Variants in STXBP5L observed in about 807,000 individuals in gnomAD.
STXBP5L encodes syntaxin-binding protein 5-like.
In STXBP5L, 65 loss-of-function variants were observed where a neutral mutation model predicts 144.5. The ratio of observed to expected loss-of-function variants is 0.45; its 90% CI spans 0.37 to 0.55. STXBP5L has a LOEUF of 0.55. STXBP5L is among the 20% of genes least tolerant of loss of function. STXBP5L has a pLI of 0.00. For synonymous variants in STXBP5L, 505 were observed against 469.6 expected, an observed-to-expected ratio of 1.08 and a Z score of -0.97; for missense variants, 1,298 against 1,405.5, an observed-to-expected ratio of 0.92 and a Z score of 1.22.
At chr3:121,091,688 T>A (rs1303015888) in intron 5 of STXBP5L, among the ~76,000 whole-genome samples, 2 of 152,210 alleles carry the variant, frequency 1.3e-5, no homozygotes, top group Non-Finnish European at 2.9e-5. Flanking sequence ...CTTTGTCAGA[T>A]GAGTAGGTTG....
chr3:121,172,300 A>G (rs1222249392), intron 9 of STXBP5L, among the ~76,000 whole-genome samples: 1 of 152,242 alleles, frequency 6.6e-6, no homozygotes, highest in African/African-American at 2.4e-5. Context: ...CTAAGACACC[A>G]AAAGCAATGG....
At chr3:121,074,299 A>G (rs551981078) in intron 5 of STXBP5L, among the ~76,000 whole-genome samples, 2 of 152,286 alleles carry the variant, frequency 1.3e-5, no homozygotes, top group Admixed American at 1.3e-4. Flanking sequence ...AGCATTGTAT[A>G]TGGGTTGGGC....
intron 9 of STXBP5L, among the ~76,000 whole-genome samples, chr3:121,196,582 T>G (rs2047929079): frequency 6.6e-6 from 1 of 152,194 alleles, no homozygotes; most frequent in African/African-American, 2.4e-5. Flanking sequence ...TCCTTTTTTC[T>G]GTTTGCTTTC....
Position 120,967,382 on chromosome 3 carries a change from A to G in STXBP5L, c.287+12345A>G, listed in dbSNP as rs770288282. 6.2e-4 allele frequency among the ~76,000 whole-genome samples: 94 copies of G among 152,210 alleles called. 1 individual carries two copies. Among genetic ancestry groups the G allele is most frequent in the Admixed American group, 5.2e-4 (8 of 15,280 alleles). On this transcript the variant is annotated intron_variant, in intron 3 of 26. Coordinates refer to ENST00000471454, the MANE Select transcript of STXBP5L (RefSeq NM_001308330.2). ...CAGAAATCACCCATCTTCTGTGTCA[A>G]TCACACTGGGAGCTGCAGACTGGAG... is the stretch of plus-strand genomic sequence containing the variant.
chr3:121,182,702 A>G (rs190239921), intron 9 of STXBP5L, among the ~76,000 whole-genome samples: 1 of 152,324 alleles, frequency 6.6e-6, no homozygotes, highest in Non-Finnish European at 1.5e-5. Flanking sequence ...GATAAATGAA[A>G]CAAAAAGCTG....
At chr3:121,032,134 G>C (rs901871724) in intron 3 of STXBP5L, among the ~76,000 whole-genome samples, 6 of 151,944 alleles carry the variant, frequency 3.9e-5, no homozygotes, top group African/African-American at 1.5e-4. Flanking sequence ...TGAAGGCTGA[G>C]ATGGCCCAGG....
At chr3:120,981,606 A>G (rs1039416442) in intron 3 of STXBP5L, among the ~76,000 whole-genome samples, 1 of 152,052 alleles carries the variant, frequency 6.6e-6, no homozygotes, top group South Asian at 2.1e-4. Flanking sequence ...ATTACTTTGT[A>G]TTGGTTTTCA....
At chr3:121,043,898 A>T (rs765315794) in intron 4 of STXBP5L, among the ~76,000 whole-genome samples, 4 of 152,036 alleles carry the variant, frequency 2.6e-5, no homozygotes, top group Non-Finnish European at 5.9e-5. Context: ...TTCTATCCTC[A>T]CCCCATCTCA....
chr3:121,343,289 A>G (rs971915522), intron 20 of STXBP5L, among the ~76,000 whole-genome samples: 1 of 151,950 alleles, frequency 6.6e-6, no homozygotes, highest in Non-Finnish European at 1.5e-5. Flanking sequence ...CCCATTTTGT[A>G]GGTTGGCTGT....
rs576514182 is a variant in STXBP5L, at chr3:121,144,963, A to G, written c.670-7514A>G. ...TCAGGTATCTAAAATAGTCATATAT[A>G]TAGAATCAAAGAGTGTAATGGTGGC... On this transcript the variant is annotated intron_variant, in intron 7 of 26. Transcript: ENST00000471454. 5.3e-5 allele frequency among the ~76,000 whole-genome samples: 8 copies of G among 152,072 alleles called. 1 individual carries two copies. Among genetic ancestry groups the G allele is most frequent in the African/African-American group, 1.4e-4 (6 of 41,552 alleles).
At chr3:121,406,543 G>T (rs952662405) in intron 22 of STXBP5L, among the ~76,000 whole-genome samples, 1 of 152,000 alleles carries the variant, frequency 6.6e-6, no homozygotes, top group Non-Finnish European at 1.5e-5. Context: ...CAAGACTGGT[G>T]AAAATCACCT....
intron 20 of STXBP5L, among the ~76,000 whole-genome samples, chr3:121,358,422 C>G (rs907700172): frequency 4.1e-4 from 62 of 152,046 alleles, no homozygotes; most frequent in African/African-American, 1.5e-3. Context: ...TCATGGTGGA[C>G]AGTGAAGGGG....
At chr3:120,937,675 A>T (rs768939885) in intron 2 of STXBP5L, among the ~76,000 whole-genome samples, 1 of 152,148 alleles carries the variant, frequency 6.6e-6, no homozygotes, top group Non-Finnish European at 1.5e-5. Context: ...GAGGAGAGCG[A>T]TGACTTCTAT....
At chr3:121,364,463 A>C in intron 20 of STXBP5L, among the ~76,000 whole-genome samples, 1 of 150,658 alleles carries the variant, frequency 6.6e-6, no homozygotes, top group East Asian at 1.9e-4. Flanking sequence ...GAAGTTAAGG[A>C]TGTGTTGTTC....
In STXBP5L at chr3:121,296,470, A is replaced by G. The variant is rs1157709885; in HGVS notation, c.2110+16514A>G. Among the ~76,000 whole-genome samples, 5 of 152,214 alleles carry G rather than the reference A, an allele frequency of 3.3e-5. No individual in the cohort carries two copies. In the East Asian group the frequency reaches 7.7e-4, roughly 23 times the overall value. The stretch of plus-strand genomic sequence containing the variant: ...AAAGATGTAAAAGACCTTAATCCCC[A>G]TGGTAGGAACAATGATGAAAACAAC... On this transcript the variant is annotated intron_variant, in intron 19 of 26. Coordinates refer to ENST00000471454, the MANE Select transcript of STXBP5L (RefSeq NM_001308330.2).
At chr3:121,382,400 G>A (rs1275962796) in intron 22 of STXBP5L, among the ~76,000 whole-genome samples, 4 of 151,882 alleles carry the variant, frequency 2.6e-5, no homozygotes, top group Non-Finnish European at 5.9e-5. Flanking sequence ...AAAGTTAATC[G>A]TGATGACAAT....
At chr3:121,349,713 G>A (rs1174482785) in intron 20 of STXBP5L, among the ~76,000 whole-genome samples, 1 of 151,966 alleles carries the variant, frequency 6.6e-6, no homozygotes, top group African/African-American at 2.4e-5. Context: ...ATTATGTAAT[G>A]GTCTTCTTTG....
intron 5 of STXBP5L, among the ~76,000 whole-genome samples, chr3:121,076,791 T>C (rs1056358766): frequency 6.6e-6 from 1 of 152,072 alleles, no homozygotes; most frequent in Admixed American, 6.5e-5. Context: ...TCCAGTGGAG[T>C]AGGCTTTGAT....
chr3:120,934,091 C>CTT (rs200329422), intron 2 of STXBP5L, among the ~76,000 whole-genome samples: 3,947 of 138,020 alleles, frequency 0.029, 85 homozygotes, highest in African/African-American at 0.06. Context: ...TTTTCTTTTT[C>CTT]TTTTTTTTTT....
Sources: gnomAD v4.1 joint callset for allele counts (sites outside exome capture counted in the v4.1 genomes callset) on GRCh38, gnomAD v4.1.1 for gene constraint, MANE v1.5 for transcripts, NCBI Gene and HGNC (gene_info 2026-07-23, HGNC 2026-07-21) for gene names.